MIPOL1: variants seen among roughly 807,000 people sequenced by gnomAD.
MIPOL1 encodes mirror-image polydactyly 1, also known as mirror-image polydactyly gene 1 protein.
Under a neutral mutation model 60.9 loss-of-function variants are expected in MIPOL1, and 57 were observed. The ratio of observed to expected loss-of-function variants is 0.94; its 90% CI spans 0.76 to 1.17. MIPOL1 has a LOEUF of 1.17. MIPOL1 is among the 50% of genes most tolerant of loss of function. The probability of loss-of-function intolerance (pLI) is 0.00; values close to 1 mark genes in which losing one functional copy is unlikely to be tolerated. For synonymous variants in MIPOL1, 179 were observed against 168.8 expected (o/e 1.06, Z -0.47); for missense variants, 551 against 511.6 (o/e 1.08, Z -0.74).
intron 9 of MIPOL1, among the ~76,000 whole-genome samples, chr14:37,345,417 T>A (rs1340904340): frequency 1.3e-5 from 2 of 152,218 alleles, no homozygotes; most frequent in African/African-American, 4.8e-5. Context: ...GTTTTTAAAA[T>A]TTTTAAATTG....
At chr14:37,224,445 C>T (rs897763339) in intron 1 of MIPOL1, among the ~76,000 whole-genome samples, 2 of 152,162 alleles carry the variant, frequency 1.3e-5, no homozygotes, top group African/African-American at 4.8e-5. Context: ...ATGGAGAGGC[C>T]TCACAATCGT....
At chr14:37,380,646 G>A (rs774555154) in intron 10 of MIPOL1, among the ~76,000 whole-genome samples, 4 of 152,060 alleles carry the variant, frequency 2.6e-5, no homozygotes, top group Non-Finnish European at 4.4e-5. Flanking sequence ...TATGATACTT[G>A]CATATAATTG....
intron 1 of MIPOL1, among the ~76,000 whole-genome samples, chr14:37,225,817 C>G (rs946544075): frequency 7.9e-5 from 12 of 152,260 alleles, no homozygotes; most frequent in Middle Eastern, 3.4e-3. Flanking sequence ...GGCAAATTGT[C>G]TGAACTTTTA....
chr14:37,495,282 C>A (rs2095106836), intron 11 of MIPOL1, among the ~76,000 whole-genome samples: 1 of 97,820 alleles, frequency 1.0e-5, no homozygotes, highest in Non-Finnish European at 1.9e-5. Flanking sequence ...CCTCCCCCCT[C>A]CCCCCACCCC....
At chr14:37,428,661 C>CTTTTTTTT (rs34932209) in intron 11 of MIPOL1, among the ~76,000 whole-genome samples, 1 of 122,302 alleles carries the variant, frequency 8.2e-6, no homozygotes, top group African/African-American at 3.1e-5. Context: ...TTCCAAAAAT[C>CTTTTTTTT]TTTTTTTTTT....
chr14:37,308,402 T>G lies in MIPOL1; in HGVS notation c.711T>G (p.Ile237Met), dbSNP rs747542902. 4 of 1,603,522 alleles carry G rather than the reference T, an allele frequency of 2.5e-6. No homozygotes were observed. Among genetic ancestry groups the G allele is most frequent in the Non-Finnish European group, 2.6e-6 (3 of 1,176,106 alleles). The part of the protein sequence containing the change: ...RINNADTGIA[I>M]QKNGAIIVDR... ...ACAATGCAGACACAGGGATAGCTAT[T>G]CAGAAGAATGGAGCTATAATTGTGG... The change falls in exon 9 of 13, where the codon ATT becomes ATG. Residue 237 changes from isoleucine to methionine, a missense_variant. Physicochemically the swap from Ile to Met is conservative, Grantham distance 10 (BLOSUM62 1). Transcript: ENST00000684589.
chr14:37,397,378 TGGGAGTG>T (rs2093392508), intron 10 of MIPOL1, among the ~76,000 whole-genome samples: 1 of 38,908 alleles, frequency 2.6e-5, no homozygotes, highest in Admixed American at 2.3e-4. Context: ...GTGGAGGTGG[TGGGAGTG>T]GGGAGGGGGG....
At chr14:37,367,854 T>G (rs1006949332) in intron 9 of MIPOL1, among the ~76,000 whole-genome samples, 3 of 152,086 alleles carry the variant, frequency 2.0e-5, no homozygotes, top group African/African-American at 7.2e-5. Context: ...GCCGTGTTCA[T>G]TTTCTCGGGT....
At position 37,394,086 on chromosome 14, in the gene MIPOL1, C is replaced by A. The variant is rs1287930660; in HGVS notation, c.936+24462C>A. Among the ~76,000 whole-genome samples, 365 of 42,812 alleles carry A rather than the reference C, an allele frequency of 8.5e-3. 5 individuals carry two copies. Among genetic ancestry groups the A allele is most frequent in the Non-Finnish European group, 0.012 (217 of 17,378 alleles). 28.1% of individuals were successfully genotyped at this position (42,812 alleles called of 152,430 possible). On this transcript the variant is annotated intron_variant, in intron 10 of 12. Coordinates refer to ENST00000684589, the MANE Select transcript of MIPOL1 (RefSeq NM_001388067.1). Reference sequence around the variant, plus strand: ...TATATATATATATATATATATATATCTCCATGTTCTATCATATATATATAT... The same window carrying A: ...TATATATATATATATATATATATATATCCATGTTCTATCATATATATATAT...
intron 3 of MIPOL1, among the ~76,000 whole-genome samples, chr14:37,255,268 G>A (rs375024333): frequency 6.6e-6 from 1 of 151,870 alleles, no homozygotes; most frequent in South Asian, 2.1e-4. Context: ...AGGTCTGAGT[G>A]TGCATTGGCA....
intron 11 of MIPOL1, chr14:37,423,770 A>G (rs2093916208): frequency 1.3e-5 from 2 of 152,178 alleles, no homozygotes; most frequent in Non-Finnish European, 2.9e-5. Flanking sequence ...TAAAATGCAT[A>G]AAATGCAATT....
chr14:37,398,861 G>T (rs1274815932), intron 10 of MIPOL1, among the ~76,000 whole-genome samples: 4 of 152,172 alleles, frequency 2.6e-5, no homozygotes, highest in African/African-American at 4.8e-5. Context: ...AATGAGGAAA[G>T]TCTAGTCTTT....
chr14:37,270,462 C>T lies in MIPOL1; in HGVS notation c.430C>T (p.Leu144=). 6.2e-7 allele frequency: 1 copy of T among 1,600,744 alleles called. No homozygotes were observed. Among genetic ancestry groups the T allele is most frequent in the Non-Finnish European group, 8.5e-7 (1 of 1,173,074 alleles). The change falls in exon 6 of 13, where the codon CTA becomes TTA. Residue 144 remains leucine (L), a synonymous_variant. Coordinates refer to ENST00000684589, the MANE Select transcript of MIPOL1 (RefSeq NM_001388067.1). ...TAAAGAAGATAAAGAACAGAGAAAA[C>T]TAAAGTTTAAGCTGGAACTCCAAGA... is the stretch of plus-strand genomic sequence containing the variant. ...LAKEDKEQRK[L]KFKLELQEKE... is the part of the protein sequence containing the mutation.
intron 9 of MIPOL1, among the ~76,000 whole-genome samples, chr14:37,350,685 C>CT (rs559816277): frequency 6.6e-6 from 1 of 152,150 alleles, no homozygotes; most frequent in African/African-American, 2.4e-5. Context: ...CTTCCTAACT[C>CT]TTTTTTTGTA....
chr14:37,400,149 G>A (rs535547042), intron 10 of MIPOL1: 5 of 152,016 alleles, frequency 3.3e-5, no homozygotes, highest in Non-Finnish European at 7.4e-5. Context: ...TAGGAAGATA[G>A]GAAAGACTGA....
intron 12 of MIPOL1, among the ~76,000 whole-genome samples, chr14:37,533,375 G>GAT (rs2095490773): frequency 6.6e-6 from 1 of 152,124 alleles, no homozygotes; most frequent in Admixed American, 6.6e-5. Flanking sequence ...TATGAGAACA[G>GAT]TATAATTGAG....
intron 11 of MIPOL1, among the ~76,000 whole-genome samples, chr14:37,445,019 A>G (rs1292914354): frequency 6.6e-6 from 1 of 152,224 alleles, no homozygotes. Flanking sequence ...CTGGCACAAG[A>G]CAGGGATGCC....
chr14:37,249,273 C>T (rs929894748), intron 3 of MIPOL1, among the ~76,000 whole-genome samples: 1 of 151,766 alleles, frequency 6.6e-6, no homozygotes, highest in African/African-American at 2.4e-5. Flanking sequence ...TTTTGGTTCC[C>T]CTTCCCCCAA....
At chr14:37,412,606 CA>C (rs1254225001) in intron 10 of MIPOL1, among the ~76,000 whole-genome samples, 1 of 151,918 alleles carries the variant, frequency 6.6e-6, no homozygotes, top group Admixed American at 6.6e-5. Flanking sequence ...CAATAACAGG[CA>C]CAACTGATCT....
Sources: gnomAD v4.1 joint callset for allele counts (sites outside exome capture counted in the v4.1 genomes callset) on GRCh38, gnomAD v4.1.1 for gene constraint, MANE v1.5 for transcripts, NCBI Gene and HGNC (gene_info 2026-07-23, HGNC 2026-07-21) for gene names.